The following IGF1R variants were observed in gnomAD, a reference collection of about 807,000 sequenced individuals.
The protein encoded by IGF1R is insulin like growth factor 1 receptor, also known as insulin-like growth factor 1 receptor.
IGF1R carries 44 observed loss-of-function variants against 144.6 expected under a neutral mutation model. The ratio of observed to expected loss-of-function variants is 0.30; its 90% CI spans 0.24 to 0.39. IGF1R has a LOEUF of 0.39. IGF1R is among the 10% of genes least tolerant of loss of function. IGF1R has a pLI of 1.00. For missense variants in IGF1R, 1,355 were observed against 1,833.7 expected, an observed-to-expected ratio of 0.74 and a Z score of 4.77; for synonymous variants, 795 against 722.8, an observed-to-expected ratio of 1.10 and a Z score of -1.60.
intron 2 of IGF1R, among the ~76,000 whole-genome samples, chr15:98,884,527 T>C (rs2013541174): frequency 6.6e-6 from 1 of 151,856 alleles, no homozygotes; most frequent in Non-Finnish European, 1.5e-5. Context: ...ACCCTGTCTC[T>C]GCTAAAAATA....
rs55738914 is a variant in IGF1R, at chr15:98,710,093, G to A, written c.640+1986G>A. Among the ~76,000 whole-genome samples, 1,169 of 152,268 alleles carry A rather than the reference G, an allele frequency of 7.7e-3. 20 individuals are homozygous for A. Among genetic ancestry groups the A allele is most frequent in the African/African-American group, 0.027 (1,107 of 41,552 alleles). On this transcript the variant is annotated intron_variant, in intron 2 of 20. Transcript: ENST00000650285. Reference sequence around the variant, plus strand: ...TAGGGCTGTTGGAAGATGAAAAGGAGGAAGGAAAAGCACCGTGAAAATGTT... The same window carrying A: ...TAGGGCTGTTGGAAGATGAAAAGGAAGAAGGAAAAGCACCGTGAAAATGTT...
At chr15:98,924,788 G>T in intron 13 of IGF1R, 104 bp downstream of exon 13, 4 of 1,084,134 alleles carry the variant, frequency 3.7e-6, no homozygotes, top group Non-Finnish European at 5.6e-6. Flanking sequence ...CTGTTAAAAT[G>T]GAGTTGGCCA....
chr15:98,724,865 A>G (rs2054322234), intron 2 of IGF1R, among the ~76,000 whole-genome samples: 1 of 152,222 alleles, frequency 6.6e-6, no homozygotes, highest in Non-Finnish European at 1.5e-5. Flanking sequence ...CCATTAAAAC[A>G]AAGGCATCGG....
At chr15:98,925,346 G>A (rs2015671477) in intron 13 of IGF1R, among the ~76,000 whole-genome samples, 1 of 152,220 alleles carries the variant, frequency 6.6e-6, no homozygotes, top group African/African-American at 2.4e-5. Context: ...ATTATAAGAT[G>A]TATAAGCGCA....
At chr15:98,664,279 G>T (rs916414571) in intron 1 of IGF1R, among the ~76,000 whole-genome samples, 5 of 152,098 alleles carry the variant, frequency 3.3e-5, no homozygotes, top group African/African-American at 1.2e-4. Context: ...TGAGATGAGG[G>T]TTGGAGAATT....
intron 2 of IGF1R, among the ~76,000 whole-genome samples, chr15:98,858,134 G>A (rs2011935454): frequency 1.3e-5 from 2 of 152,202 alleles, no homozygotes; most frequent in Non-Finnish European, 2.9e-5. Flanking sequence ...TCAATCAAGT[G>A]GCTATCAATT....
intron 2 of IGF1R, among the ~76,000 whole-genome samples, chr15:98,748,735 G>A (rs1596263927): frequency 6.6e-6 from 1 of 152,318 alleles, no homozygotes. Flanking sequence ...TTTTTGCCAT[G>A]TAAGTAGTTA....
intron 13 of IGF1R, among the ~76,000 whole-genome samples, chr15:98,926,122 G>T (rs1371567772): frequency 1.3e-5 from 2 of 152,104 alleles, no homozygotes; most frequent in Admixed American, 1.3e-4. Flanking sequence ...ATACATTATA[G>T]AATACTATTC....
intron 8 of IGF1R, 80 bp downstream of exon 8, chr15:98,913,362 A>G: frequency 9.3e-7 from 1 of 1,079,538 alleles, no homozygotes; most frequent in South Asian, 1.2e-5. Context: ...GTGTCATTGT[A>G]GGGTTAGCAG....
At chr15:98,684,725 A>G (rs2053280483) in intron 1 of IGF1R, among the ~76,000 whole-genome samples, 1 of 152,168 alleles carries the variant, frequency 6.6e-6, no homozygotes, top group Non-Finnish European at 1.5e-5. Context: ...AAAGGCAGTC[A>G]TCGGGAGACT....
chr15:98,907,561 G>A (rs554444600), intron 5 of IGF1R, among the ~76,000 whole-genome samples: 9 of 152,340 alleles, frequency 5.9e-5, no homozygotes, highest in Admixed American at 1.3e-4. Context: ...AAGGATTCAC[G>A]GTCCATGGGG....
At chr15:98,892,766 A>G (rs935172825) in intron 3 of IGF1R, among the ~76,000 whole-genome samples, 1 of 152,138 alleles carries the variant, frequency 6.6e-6, no homozygotes, top group Non-Finnish European at 1.5e-5. Flanking sequence ...CTGTAATCCC[A>G]ACACTTTGGG....
At chr15:98,694,908 G>GAAT (rs1354209142) in intron 1 of IGF1R, among the ~76,000 whole-genome samples, 4 of 152,176 alleles carry the variant, frequency 2.6e-5, no homozygotes, top group African/African-American at 7.2e-5. Context: ...ATAACGAAGG[G>GAAT]AATGGGATTT....
At chr15:98,822,668 C>T (rs1455183892) in intron 2 of IGF1R, among the ~76,000 whole-genome samples, 2 of 152,192 alleles carry the variant, frequency 1.3e-5, no homozygotes, top group Non-Finnish European at 2.9e-5. Flanking sequence ...CAAAATTAAT[C>T]GTGCTCGAAC....
At chr15:98,695,230 A>G (rs576088692) in intron 1 of IGF1R, among the ~76,000 whole-genome samples, 2 of 152,200 alleles carry the variant, frequency 1.3e-5, no homozygotes, top group Admixed American at 1.3e-4. Context: ...CATGTGGGTT[A>G]TGAGATACAA....
chr15:98,690,332 G>GAC (rs57066717), intron 1 of IGF1R, among the ~76,000 whole-genome samples: 52,627 of 151,982 alleles, frequency 0.35, 10,175 homozygotes, highest in African/African-American at 0.53. Flanking sequence ...GACAGAGCAA[G>GAC]ACTATCCCAA....
chr15:98,738,778 C>T (rs1252350937), intron 2 of IGF1R, among the ~76,000 whole-genome samples: 2 of 152,144 alleles, frequency 1.3e-5, no homozygotes, highest in East Asian at 1.9e-4. Context: ...CACAGTTTGC[C>T]GGTCATTTCC....
intron 1 of IGF1R, among the ~76,000 whole-genome samples, chr15:98,682,021 A>G (rs1276411595): frequency 2.0e-5 from 3 of 152,022 alleles, no homozygotes; most frequent in Non-Finnish European, 4.4e-5. Flanking sequence ...TTAGGAAGGA[A>G]TTCACCACCC....
At chr15:98,906,862 T>G (rs2014756721) in intron 5 of IGF1R, among the ~76,000 whole-genome samples, 1 of 152,194 alleles carries the variant, frequency 6.6e-6, no homozygotes, top group Non-Finnish European at 1.5e-5. Flanking sequence ...AGGCTCTGTC[T>G]TTCGACTCAC....
Sources: gnomAD v4.1 joint callset for allele counts (sites outside exome capture counted in the v4.1 genomes callset) on GRCh38, gnomAD v4.1.1 for gene constraint, MANE v1.5 for transcripts, NCBI Gene and HGNC (gene_info 2026-07-23, HGNC 2026-07-21) for gene names.